Variants in ZBBX observed in about 807,000 individuals in gnomAD.
ZBBX encodes zinc finger B-box domain-containing protein 1.
A neutral mutation model predicts 108.5 loss-of-function variants in ZBBX; 101 were observed. The ratio of observed to expected loss-of-function variants is 0.93; its 90% CI spans 0.79 to 1.10. The LOEUF (loss-of-function observed/expected upper bound fraction) is 1.10, where lower values mean the gene tolerates loss of function less well. Ranked by LOEUF, ZBBX falls within the 50% of genes least tolerant of loss-of-function variation. ZBBX has a pLI of 0.00. For synonymous variants in ZBBX, 356 were observed against 323.4 expected (o/e 1.10, Z -1.08); for missense variants, 1,009 against 941.4 (o/e 1.07, Z -0.94).
At chr3:167,283,769 C>T (rs1729226933) in intron 19 of ZBBX, among the ~76,000 whole-genome samples, 1 of 152,084 alleles carries the variant, frequency 6.6e-6, no homozygotes, top group Non-Finnish European at 1.5e-5. Flanking sequence ...CCCCAGGCTC[C>T]CAAGCTGGGA....
intron 19 of ZBBX, among the ~76,000 whole-genome samples, chr3:167,287,497 C>G (rs548668657): frequency 6.6e-6 from 1 of 152,214 alleles, no homozygotes; most frequent in South Asian, 2.1e-4. Context: ...GGACTCTAAG[C>G]TCTTAAGCAA....
At chr3:167,399,996 A>T (rs1249421712) in intron 1 of ZBBX, among the ~76,000 whole-genome samples, 1 of 152,028 alleles carries the variant, frequency 6.6e-6, no homozygotes, top group African/African-American at 2.4e-5. Context: ...ATTTAGGATA[A>T]CTCTCTCCAG....
chr3:167,335,933 G>A (rs1345024427), intron 9 of ZBBX, among the ~76,000 whole-genome samples: 1 of 151,858 alleles, frequency 6.6e-6, no homozygotes, highest in Non-Finnish European at 1.5e-5. Context: ...CAAGTCAATG[G>A]TAATGCTTCA....
chr3:167,404,832 A>G (rs1015023631), intron 1 of ZBBX, among the ~76,000 whole-genome samples: 8 of 152,164 alleles, frequency 5.3e-5, no homozygotes, highest in African/African-American at 1.9e-4. Flanking sequence ...AAGAATGGAG[A>G]GACAGAGAAA....
rs534825467 is a variant in ZBBX, at chr3:167,393,850, A to T, written c.-445-13445T>A. Among the ~76,000 whole-genome samples, 4 of 152,038 alleles carry T rather than the reference A, an allele frequency of 2.6e-5. No individual in the cohort carries two copies. In the East Asian group the frequency reaches 7.8e-4, roughly 29 times the overall value. ...AAGCCGCGTAACCTTTTTATGGTGAAGACAGCCTAAAAATTGCCCTTCCAC... is the reference window on the plus strand; with the variant it reads ...AAGCCGCGTAACCTTTTTATGGTGATGACAGCCTAAAAATTGCCCTTCCAC... On this transcript the variant is annotated intron_variant, in intron 1 of 21. Transcript: ENST00000455345.
rs190805020 is a variant in ZBBX at position 167,266,460 on chromosome 3, T to C, written c.2254+15778A>G. Among the ~76,000 whole-genome samples the C allele has an allele frequency of 1.1e-4, 16 of 152,230 alleles. 1 individual carries two copies. The highest frequency in any genetic ancestry group is 7.8e-4 in the Admixed American group (12 of 15,292). ...CGTCAGTTCTAATCAATAACTCACA[T>C]CTCTTCCCTTGGTTACCTGTACCCA... On this transcript the variant is annotated intron_variant, in intron 20 of 21. Coordinates refer to ENST00000675490, the MANE Select transcript of ZBBX (RefSeq NM_001199201.2).
intron 19 of ZBBX, among the ~76,000 whole-genome samples, chr3:167,283,647 G>C (rs1576887146): frequency 6.6e-6 from 1 of 152,234 alleles, no homozygotes; most frequent in African/African-American, 2.4e-5. Context: ...TTTTTGGGGG[G>C]TTTTGGGAGT....
intron 20 of ZBBX, among the ~76,000 whole-genome samples, chr3:167,250,787 AG>A (rs1474124372): frequency 6.6e-6 from 1 of 152,156 alleles, no homozygotes; most frequent in Non-Finnish European, 1.5e-5. Context: ...GAGTAGAGAA[AG>A]GCAGGTCCCT....
chr3:167,329,871 A>G (rs1395802849), intron 10 of ZBBX, among the ~76,000 whole-genome samples: 1 of 152,200 alleles, frequency 6.6e-6, no homozygotes, highest in African/African-American at 2.4e-5. Flanking sequence ...GGGAAATTAT[A>G]AAATAGTGTG....
intron 18 of ZBBX, among the ~76,000 whole-genome samples, chr3:167,293,956 G>A (rs5923811): frequency 6.6e-6 from 1 of 152,126 alleles, no homozygotes; most frequent in African/African-American, 2.4e-5. Flanking sequence ...TTACTACAAA[G>A]AGAATAAAAT....
At chr3:167,273,780 A>G (rs1726973691) in intron 20 of ZBBX, among the ~76,000 whole-genome samples, 1 of 152,138 alleles carries the variant, frequency 6.6e-6, no homozygotes, top group Admixed American at 6.5e-5. Flanking sequence ...CACAAAATAA[A>G]AGAAGCCCCT....
At chr3:167,203,505 A>G in the ZBBX span, among the ~76,000 whole-genome samples, 83 of 152,286 alleles carry the variant, frequency 5.5e-4, no homozygotes, top group Non-Finnish European at 1.0e-3. Context: ...ACAAAATGAA[A>G]GGATATATAC....
At chr3:167,273,912 C>A (rs765305278) in intron 20 of ZBBX, among the ~76,000 whole-genome samples, 1 of 152,110 alleles carries the variant, frequency 6.6e-6, no homozygotes, top group Non-Finnish European at 1.5e-5. Context: ...CCATGGGTAA[C>A]TATTAATAAA....
intron 1 of ZBBX, among the ~76,000 whole-genome samples, chr3:167,402,231 G>T (rs1292376296): frequency 6.6e-6 from 1 of 152,120 alleles, no homozygotes; most frequent in East Asian, 1.9e-4. Context: ...CATTCAATCT[G>T]CTGCATCTCC....
chr3:167,190,101 G>A, the ZBBX span, among the ~76,000 whole-genome samples: 1 of 152,202 alleles, frequency 6.6e-6, no homozygotes, highest in African/African-American at 2.4e-5. Flanking sequence ...AAACAAGGCT[G>A]AAATTACATC....
intron 1 of ZBBX, among the ~76,000 whole-genome samples, chr3:167,393,102 C>T (rs1259375122): frequency 2.0e-5 from 3 of 151,664 alleles, no homozygotes; most frequent in Non-Finnish European, 4.4e-5. Flanking sequence ...ACAAAACCCC[C>T]TTTTGCCCCT....
At chr3:167,179,013 C>A in the ZBBX span, among the ~76,000 whole-genome samples, 1 of 152,002 alleles carries the variant, frequency 6.6e-6, no homozygotes, top group Non-Finnish European at 1.5e-5. Context: ...ATAGAGAGAG[C>A]TTGGCTAGTA....
chr3:167,353,657 AAAT>A (rs1010419356), intron 8 of ZBBX, among the ~76,000 whole-genome samples: 3 of 152,014 alleles, frequency 2.0e-5, no homozygotes, highest in Non-Finnish European at 4.4e-5. Context: ...ATAAAAATAA[AAAT>A]AATAATAATA....
At chr3:167,289,803 C>T (rs1008052040) in intron 18 of ZBBX, among the ~76,000 whole-genome samples, 31 of 152,156 alleles carry the variant, frequency 2.0e-4, no homozygotes, top group Admixed American at 1.6e-3. Flanking sequence ...CGGTTCCCAC[C>T]CTCATGGAGT....
Sources: allele counts gnomAD v4.1 joint callset (sites outside exome capture counted in the v4.1 genomes callset), GRCh38; gene constraint gnomAD v4.1.1; transcripts MANE v1.5; gene names NCBI Gene and HGNC (gene_info 2026-07-23, HGNC 2026-07-21).